EGFLAM: variants seen among roughly 807,000 people sequenced by gnomAD.
The protein encoded by EGFLAM is pikachurin.
In EGFLAM, 79 loss-of-function variants were observed where a neutral mutation model predicts 113.1. That is an observed-to-expected ratio of 0.70 (90% confidence interval 0.58 to 0.84). The LOEUF (loss-of-function observed/expected upper bound fraction) is 0.84. Ranked by LOEUF, EGFLAM falls within the 40% of genes least tolerant of loss-of-function variation. EGFLAM has a pLI of 0.00. For missense variants in EGFLAM, 1,265 were observed against 1,291.6 expected, an observed-to-expected ratio of 0.98 and a Z score of 0.32; for synonymous variants, 504 against 487.6, an observed-to-expected ratio of 1.03 and a Z score of -0.44.
intron 1 of EGFLAM, among the ~76,000 whole-genome samples, chr5:38,266,576 T>A (rs937228694): frequency 1.3e-5 from 2 of 152,242 alleles, no homozygotes; most frequent in Non-Finnish European, 2.9e-5. Flanking sequence ...GTACTTTTAT[T>A]CTTTTCTATA....
chr5:38,370,011 T>C (rs77793322), intron 5 of EGFLAM, among the ~76,000 whole-genome samples: 1,631 of 152,310 alleles, frequency 0.011, 37 homozygotes, highest in African/African-American at 0.038. Flanking sequence ...AATTCCTATG[T>C]GAAGATCTTT....
chr5:38,367,267 CTTT>C (rs746689355), intron 5 of EGFLAM, among the ~76,000 whole-genome samples: 1 of 138,006 alleles, frequency 7.2e-6, no homozygotes. Flanking sequence ...CCACCCCAGA[CTTT>C]TTTTTTTTTT....
chr5:38,462,955 C>T lies in EGFLAM; in HGVS notation c.2819C>T (p.Thr940Ile), dbSNP rs1743339454. ...ACCGTGGATGACTATGGAGCCAGAA[C>T]AGGCAAATCCCCAGGCATGATGCGG... ...KITVDDYGAR[T>I]GKSPGMMRQL... Residue 940 changes from threonine to isoleucine, a missense_variant, in exon 21 of 22, where the codon ACA (threonine) becomes ATA (isoleucine). Thr to Ile is a moderately conservative substitution (Grantham distance 89). Coordinates refer to ENST00000322350, the MANE Select transcript of EGFLAM (RefSeq NM_152403.4). 3.1e-6 allele frequency: 5 copies of T among 1,614,164 alleles called. No individual in the cohort carries two copies. Among genetic ancestry groups the T allele is most frequent in the Non-Finnish European group, 4.2e-6 (5 of 1,180,026 alleles).
intron 11 of EGFLAM, among the ~76,000 whole-genome samples, chr5:38,416,194 T>G (rs975338384): frequency 6.6e-6 from 1 of 152,300 alleles, no homozygotes; most frequent in African/African-American, 2.4e-5. Flanking sequence ...TTAATAAGCT[T>G]TCTGAGAGAC....
At chr5:38,379,070 A>G (rs932733813) in intron 6 of EGFLAM, among the ~76,000 whole-genome samples, 2 of 152,210 alleles carry the variant, frequency 1.3e-5, no homozygotes, top group African/African-American at 4.8e-5. Flanking sequence ...TCAGAATGCC[A>G]GAATTCAGAA....
chr5:38,393,586 C>T (rs1740871725), intron 6 of EGFLAM, among the ~76,000 whole-genome samples: 1 of 152,258 alleles, frequency 6.6e-6, no homozygotes, highest in African/African-American at 2.4e-5. Flanking sequence ...AATGATGAGA[C>T]AGATTCGTTC....
chr5:38,462,778 GCCCCATCATTTAGCA>G (rs1743330813), intron 20 of EGFLAM, 115 bp from the exon 21 acceptor site: 3 of 1,026,902 alleles, frequency 2.9e-6, no homozygotes, highest in Non-Finnish European at 4.3e-6. Context: ...GATTTCTGCA[GCCCCATCATTTAGCA>G]CAGTACCTGG....
intron 18 of EGFLAM, among the ~76,000 whole-genome samples, chr5:38,449,283 G>A (rs188846204): frequency 4.9e-4 from 75 of 152,242 alleles, no homozygotes; most frequent in Admixed American, 1.4e-3. Context: ...GCTTTTCAGG[G>A]AACAAAATGT....
At chr5:38,457,733 A>G (rs1445189860) in intron 19 of EGFLAM, among the ~76,000 whole-genome samples, 1 of 152,206 alleles carries the variant, frequency 6.6e-6, no homozygotes, top group African/African-American at 2.4e-5. Flanking sequence ...AACATTACAC[A>G]TGATAAAGCC....
intron 1 of EGFLAM, among the ~76,000 whole-genome samples, chr5:38,262,461 A>G (rs1190420065): frequency 6.6e-6 from 1 of 152,220 alleles, no homozygotes; most frequent in East Asian, 1.9e-4. Context: ...ATAGAAATAT[A>G]TAGAACATTT....
chr5:38,441,969 T>C (rs1742550619), intron 17 of EGFLAM, among the ~76,000 whole-genome samples: 2 of 152,188 alleles, frequency 1.3e-5, no homozygotes, highest in South Asian at 2.1e-4. Context: ...GAGACAAAGC[T>C]AGGCCTAGCG....
At chr5:38,357,072 A>G (rs985877234) in intron 5 of EGFLAM, among the ~76,000 whole-genome samples, 1 of 152,226 alleles carries the variant, frequency 6.6e-6, no homozygotes, top group Non-Finnish European at 1.5e-5. Context: ...TCTATGAACC[A>G]GAAAGGAGAC....
At chr5:38,400,733 T>C (rs1741088542) in intron 6 of EGFLAM, among the ~76,000 whole-genome samples, 1 of 151,918 alleles carries the variant, frequency 6.6e-6, no homozygotes, top group Non-Finnish European at 1.5e-5. Context: ...AGAGAGGGAG[T>C]TTGGGATGCT....
intron 1 of EGFLAM, among the ~76,000 whole-genome samples, chr5:38,320,759 A>G (rs1045347755): frequency 6.6e-6 from 1 of 152,100 alleles, no homozygotes; most frequent in Non-Finnish European, 1.5e-5. Context: ...CTGCTAAAGG[A>G]GACAGGGCTC....
intron 16 of EGFLAM, among the ~76,000 whole-genome samples, chr5:38,435,557 G>A (rs1742316076): frequency 6.6e-6 from 1 of 152,094 alleles, no homozygotes; most frequent in Non-Finnish European, 1.5e-5. Flanking sequence ...TCATGTGTCT[G>A]CAGATACTTC....
intron 15 of EGFLAM, among the ~76,000 whole-genome samples, chr5:38,432,311 A>G (rs1742213217): frequency 6.6e-6 from 1 of 152,108 alleles, no homozygotes; most frequent in East Asian, 1.9e-4. Context: ...TGGAGAGAGA[A>G]GAAAAAGGGA....
intron 19 of EGFLAM, 113 bp from the exon 20 acceptor site, chr5:38,458,191 TAAGGAAA>T: frequency 1.2e-6 from 1 of 813,056 alleles, no homozygotes; most frequent in African/African-American, 1.7e-5. Context: ...TGTTTTTTGT[TAAGGAAA>T]CTGCACTCTG....
Position 38,406,927 on chromosome 5 carries a change from C to A in EGFLAM, c.928C>A (p.Pro310Thr). Residue 310 changes from proline to threonine, a missense_variant, in exon 8 of 22, where the codon CCC becomes ACC. Physicochemically the swap from Pro to Thr is conservative, Grantham distance 38. Coordinates refer to ENST00000322350, the MANE Select transcript of EGFLAM (RefSeq NM_152403.4). ...SNPKTISRLI[P>T]PTSASLPVTT... ...CCCAAAGACCATTTCTAGGCTCATC[C>A]CCCCTACCTCAGCATCTCTCCCTGT... 1.2e-6 allele frequency: 2 copies of A among 1,614,170 alleles called. No individual in the cohort carries two copies.
At chr5:38,451,235 G>A in intron 18 of EGFLAM, 80 bp from the exon 19 acceptor site, 1 of 1,565,122 alleles carries the variant, frequency 6.4e-7, no homozygotes, top group East Asian at 2.3e-5. Flanking sequence ...GGTTCCTCAG[G>A]GCTGGCAGAC....
Sources: gnomAD v4.1 joint callset for allele counts (sites outside exome capture counted in the v4.1 genomes callset) on GRCh38, gnomAD v4.1.1 for gene constraint, MANE v1.5 for transcripts, NCBI Gene and HGNC (gene_info 2026-07-23, HGNC 2026-07-21) for gene names.